The following NOSIP variants were observed in gnomAD, a reference collection of about 807,000 sequenced individuals.
The protein encoded by NOSIP is nitric oxide synthase interacting protein.
A neutral mutation model predicts 36.4 loss-of-function variants in NOSIP; 25 were observed. That is an observed-to-expected ratio of 0.69 (90% confidence interval 0.50 to 0.96). The LOEUF (loss-of-function observed/expected upper bound fraction) is 0.96. NOSIP is among the 40% of genes least tolerant of loss of function. NOSIP has a pLI of 0.00. For synonymous variants in NOSIP, 187 were observed against 179.2 expected, an observed-to-expected ratio of 1.04 and a Z score of -0.35; for missense variants, 370 against 429.0, an observed-to-expected ratio of 0.86 and a Z score of 1.21.
At chr19:49,557,656 G>A in intron 4 of NOSIP, 4 of 1,029,836 alleles carry the variant, frequency 3.9e-6, no homozygotes, top group Non-Finnish European at 4.7e-6. Context: ...TTTCTATACA[G>A]TGCATGCCCC....
Position 49,558,889 on chromosome 19 carries a change from C to T in NOSIP, c.258+8G>A, listed in dbSNP as rs374814242. 3 of 1,612,562 alleles carry T rather than the reference C, an allele frequency of 1.9e-6. No homozygotes were observed. Among genetic ancestry groups the T allele is most frequent in the Non-Finnish European group, 2.5e-6 (3 of 1,178,598 alleles). ...CTCCGTGTGCCGCCTCCTCCCCATC[C>T]CCATCACCTTCATCTGCCGGGCAAT... On this transcript the variant is annotated splice_region_variant and intron_variant, in intron 4 of 8. Coordinates refer to ENST00000596358, the MANE Select transcript of NOSIP (RefSeq NM_001270960.2).
chr19:49,570,175 C>A (rs1159029055), intron 1 of NOSIP, among the ~76,000 whole-genome samples: 1 of 152,132 alleles, frequency 6.6e-6, no homozygotes, highest in Non-Finnish European at 1.5e-5. Flanking sequence ...ATATTAGTTG[C>A]ATTCAGGAAA....
chr19:49,556,477 C>G (rs1398822959), intron 7 of NOSIP, 52 bp from the exon 8 acceptor site: 1 of 1,607,180 alleles, frequency 6.2e-7, no homozygotes, highest in Non-Finnish European at 8.5e-7. Context: ...TCCTGGGGAC[C>G]TACTGGCCCC....
chr19:49,559,126 A>G (rs1599746874), intron 3 of NOSIP, 148 bp from the exon 4 acceptor site: 1 of 691,644 alleles, frequency 1.4e-6, no homozygotes, highest in East Asian at 2.5e-5. Flanking sequence ...AAGCTGTTAT[A>G]CTCATGGTGA....
intron 1 of NOSIP, among the ~76,000 whole-genome samples, chr19:49,576,884 C>CAAAAAAAAAAAAAAAAAAA (rs58441193): frequency 2.1e-5 from 1 of 47,382 alleles, no homozygotes; most frequent in Non-Finnish European, 5.1e-5. Flanking sequence ...AACTCTGTCT[C>CAAAAAAAAAAAAAAAAAAA]AAAAAAAAAA....
At chr19:49,568,699 C>T (rs1027552213) in intron 1 of NOSIP, among the ~76,000 whole-genome samples, 15 of 151,066 alleles carry the variant, frequency 9.9e-5, no homozygotes, top group African/African-American at 3.2e-4. Flanking sequence ...AATCCCAACA[C>T]TTTGGGAAAC....
At chr19:49,562,651 C>T (rs982155744) in intron 1 of NOSIP, among the ~76,000 whole-genome samples, 6 of 151,932 alleles carry the variant, frequency 3.9e-5, no homozygotes, top group Admixed American at 6.6e-5. Context: ...GAAGCCGAGG[C>T]GGGGGCGGAT....
chr19:49,574,743 T>C (rs1452943985), intron 1 of NOSIP, among the ~76,000 whole-genome samples: 1 of 152,144 alleles, frequency 6.6e-6, no homozygotes, highest in Non-Finnish European at 1.5e-5. Flanking sequence ...GGGAGGAGTC[T>C]CACTTTGTCA....
chr19:49,560,491 G>T lies in NOSIP; in HGVS notation c.70+131C>A. 1 of 690,782 alleles carries T rather than the reference G, an allele frequency of 1.4e-6. No individual in the cohort carries two copies. The highest frequency in any genetic ancestry group is 2.6e-6 in the Non-Finnish European group (1 of 388,346). 42.8% of individuals were successfully genotyped at this position (690,782 alleles called of 1,614,324 possible). On this transcript the variant is annotated intron_variant, in intron 2 of 8. Transcript: ENST00000596358. This position sits in a 1 kb window ranked among gnomAD's most constrained non-coding sequence, Gnocchi z 4.6. ...GGGATCACCCAGCTGTTGTTTACAT[G>T]GTCATGGCCATCAGTGTATATCGGG...
Position 49,556,549 on chromosome 19 carries a change from G to A in NOSIP, c.725C>T (p.Ser242Phe). The A allele has an allele frequency of 1.2e-6, 2 of 1,603,732 alleles. No individual in the cohort carries two copies. Among genetic ancestry groups the A allele is most frequent in the Non-Finnish European group, 1.7e-6 (2 of 1,177,078 alleles). The change falls in exon 7 of 9, where the codon TCT becomes TTT. Residue 242 changes from serine to phenylalanine, a missense_variant and splice_region_variant. By Grantham distance (155) the Ser-to-Phe change is radical. This residue lies in a region of NOSIP where 315 missense variants were observed against 331.9 expected (regional missense o/e 0.95). Transcript: ENST00000596358. ...TTCCCTCCCCTCCCAGGTGACTCAC[G>A]AGGGCCGCAGCACAGCGCAGGGGGT... ...NATPCAVLRP[S>F]GAVVTLECVE...
intron 4 of NOSIP, chr19:49,558,202 G>A (rs1439968324): frequency 6.8e-6 from 1 of 147,298 alleles, no homozygotes; most frequent in Non-Finnish European, 1.5e-5. Context: ...CGATGAAACT[G>A]AGGCCCAGAA....
chr19:49,578,945 AAAAG>A (rs962664477), intron 1 of NOSIP, among the ~76,000 whole-genome samples: 28 of 152,164 alleles, frequency 1.8e-4, no homozygotes, highest in African/African-American at 5.1e-4. Flanking sequence ...CTTAAAAAAA[AAAAG>A]AAAGAAAACA....
chr19:49,559,410 G>A (rs796787073), intron 3 of NOSIP: 3 of 180,608 alleles, frequency 1.7e-5, no homozygotes, highest in Non-Finnish European at 3.5e-5. Flanking sequence ...CCAGCTACTC[G>A]TGGGGGCTGA....
At chr19:49,567,245 C>G (rs1357909669) in intron 1 of NOSIP, among the ~76,000 whole-genome samples, 2 of 151,750 alleles carry the variant, frequency 1.3e-5, no homozygotes, top group Non-Finnish European at 2.9e-5. Context: ...GCCTCAGCCT[C>G]CCGAGTAGCT....
intron 1 of NOSIP, among the ~76,000 whole-genome samples, chr19:49,570,986 G>GT (rs909191431): frequency 9.2e-5 from 14 of 151,442 alleles, no homozygotes; most frequent in South Asian, 2.1e-4. Context: ...AATTTAATTT[G>GT]TTTTTTTTGA....
intron 4 of NOSIP, chr19:49,558,052 C>T: frequency 2.5e-6 from 1 of 395,926 alleles, no homozygotes; most frequent in Middle Eastern, 1.2e-3. Context: ...TCAAACAGGG[C>T]CCCTCCTACC....
chr19:49,572,946 C>G (rs1187939282), intron 1 of NOSIP, among the ~76,000 whole-genome samples: 1 of 138,768 alleles, frequency 7.2e-6, no homozygotes, highest in Non-Finnish European at 1.5e-5. Flanking sequence ...GCACTCCAGC[C>G]TGGCCAACAG....
intron 4 of NOSIP, chr19:49,557,612 CAT>C: frequency 8.8e-7 from 1 of 1,139,052 alleles, no homozygotes. Flanking sequence ...CTCAGCTAAG[CAT>C]TTAATTAATG....
chr19:49,559,827 C>T, intron 3 of NOSIP, 107 bp downstream of exon 3: 1 of 755,012 alleles, frequency 1.3e-6, no homozygotes, highest in Non-Finnish European at 2.4e-6. Context: ...AACTGCTCAT[C>T]CAGGGTTCCC....
Sources: allele counts gnomAD v4.1 joint callset (sites outside exome capture counted in the v4.1 genomes callset), GRCh38; gene constraint gnomAD v4.1.1; regional missense constraint gnomAD v4.1.1; non-coding constraint Gnocchi (gnomAD v3.1); transcripts MANE v1.5; gene names NCBI Gene and HGNC (gene_info 2026-07-23, HGNC 2026-07-21).